The following SAMMSON variants were observed in gnomAD, a reference collection of about 807,000 sequenced individuals.
SAMMSON encodes the protein survival associated mitochondrial melanoma specific oncogenic non-coding RNA.
chr3:70,031,262 A>G (rs1235596022), intron 3 of SAMMSON, among the ~76,000 whole-genome samples: 1 of 152,164 alleles, frequency 6.6e-6, no homozygotes, highest in Non-Finnish European at 1.5e-5. Flanking sequence ...CCTTAAAAAC[A>G]TTGCACTGAA....
chr3:70,262,360 G>A (rs1038039268), intron 6 of SAMMSON, among the ~76,000 whole-genome samples: 2 of 152,134 alleles, frequency 1.3e-5, no homozygotes, highest in Admixed American at 1.3e-4. Context: ...GATAACATAA[G>A]TTTTAATGAG....
chr3:70,283,812 A>T (rs1170561531), intron 6 of SAMMSON: 1 of 152,028 alleles, frequency 6.6e-6, no homozygotes, highest in Non-Finnish European at 1.5e-5. Flanking sequence ...AAAAAGGCAA[A>T]TATGGCCAAA....
At chr3:70,085,858 T>C (rs1293303303) in intron 4 of SAMMSON, among the ~76,000 whole-genome samples, 1 of 152,188 alleles carries the variant, frequency 6.6e-6, no homozygotes, top group Non-Finnish European at 1.5e-5. Flanking sequence ...TCTCTTGCAG[T>C]GAGATACTCT....
At chr3:70,157,702 G>A (rs1264748288) in intron 4 of SAMMSON, among the ~76,000 whole-genome samples, 1 of 152,062 alleles carries the variant, frequency 6.6e-6, no homozygotes, top group Middle Eastern at 3.2e-3. Flanking sequence ...AATGATTTTA[G>A]CTACCAATGA....
chr3:70,214,932 A>T (rs1701391356), intron 4 of SAMMSON, among the ~76,000 whole-genome samples: 2 of 152,222 alleles, frequency 1.3e-5, no homozygotes, highest in South Asian at 4.1e-4. Context: ...TGGATTAATA[A>T]TAGGTTTAGG....
intron 2 of SAMMSON, among the ~76,000 whole-genome samples, chr3:70,431,672 T>C (rs1242625029): frequency 6.6e-6 from 1 of 152,024 alleles, no homozygotes; most frequent in Admixed American, 6.6e-5. Flanking sequence ...TTTTTGACAA[T>C]TGTATAAGCT....
At chr3:70,050,136 A>G (rs902166533) in intron 3 of SAMMSON, among the ~76,000 whole-genome samples, 1 of 152,114 alleles carries the variant, frequency 6.6e-6, no homozygotes, top group Non-Finnish European at 1.5e-5. Flanking sequence ...GTGGCCAGAG[A>G]GAAGAACTGC....
At chr3:70,072,473 G>A (rs2067233704) in intron 4 of SAMMSON, 1 of 151,272 alleles carries the variant, frequency 6.6e-6, no homozygotes, top group Non-Finnish European at 1.5e-5. Context: ...TTTATTTTGT[G>A]CTCACCCTTC....
intron 4 of SAMMSON, among the ~76,000 whole-genome samples, chr3:70,230,399 G>T (rs1340544939): frequency 6.6e-6 from 1 of 152,066 alleles, no homozygotes; most frequent in Non-Finnish European, 1.5e-5. Context: ...GTATATTTGA[G>T]GGCTGGTGTC....
At chr3:70,365,158 C>T (rs1702911183) in intron 9 of SAMMSON, among the ~76,000 whole-genome samples, 1 of 151,824 alleles carries the variant, frequency 6.6e-6, no homozygotes, top group Non-Finnish European at 1.5e-5. Flanking sequence ...CACTTTCTTA[C>T]TTTCTGGCAT....
intron 4 of SAMMSON, among the ~76,000 whole-genome samples, chr3:70,180,401 A>G (rs1053740724): frequency 6.6e-6 from 1 of 152,166 alleles, no homozygotes; most frequent in African/African-American, 2.4e-5. Context: ...ATATATGTGT[A>G]ACTGTATATA....
intron 7 of SAMMSON, among the ~76,000 whole-genome samples, chr3:70,316,331 A>G (rs143140575): frequency 1.2e-4 from 18 of 152,250 alleles, no homozygotes; most frequent in African/African-American, 3.8e-4. Context: ...AAACAATAAA[A>G]TTATATATAT....
chr3:70,360,774 G>T (rs1702865042), intron 9 of SAMMSON, among the ~76,000 whole-genome samples: 1 of 152,050 alleles, frequency 6.6e-6, no homozygotes, highest in Non-Finnish European at 1.5e-5. Context: ...TCATATTTTG[G>T]AAAAGTTTGT....
intron 4 of SAMMSON, among the ~76,000 whole-genome samples, chr3:70,243,297 T>C (rs1282314483): frequency 2.6e-5 from 4 of 152,170 alleles, no homozygotes; most frequent in African/African-American, 2.4e-5. Flanking sequence ...ATGTCTTCTA[T>C]CAAGCAATAA....
At chr3:70,040,961 G>T (rs988120) in intron 3 of SAMMSON, among the ~76,000 whole-genome samples, 2 of 152,130 alleles carry the variant, frequency 1.3e-5, no homozygotes, top group African/African-American at 4.8e-5. Context: ...AAAGGCTGCT[G>T]AATGGTAACT....
Position 70,360,749 on chromosome 3 carries a change from T to A in SAMMSON, n.913+2425T>A, listed in dbSNP as rs189438407. 1.9e-3 allele frequency among the ~76,000 whole-genome samples: 291 copies of A among 152,272 alleles called. 7 individuals are homozygous for A. The highest frequency in any genetic ancestry group is 0.017 in the Admixed American group (258 of 15,286). On this transcript the variant is annotated intron_variant and non_coding_transcript_variant, in intron 9 of 9. Coordinates refer to ENST00000642114, the Ensembl canonical transcript of SAMMSON. ...TAAGTTATGATAAAACATCATAATA[T>A]AAATGGAAAAAAATTCATATTTTGG...
rs6768753 is a variant in SAMMSON at position 70,334,447 on chromosome 3, G to A, written n.740-19728G>A. ...TAATATATAAATATATGTATATTAG[G>A]GGCACAAGCTCAAAATTATGTTTCA... On this transcript the variant is annotated intron_variant and non_coding_transcript_variant, in intron 7 of 9. Coordinates refer to ENST00000642114, the Ensembl canonical transcript of SAMMSON. Among the ~76,000 whole-genome samples, 1,367 of 151,674 alleles carry A rather than the reference G, an allele frequency of 9.0e-3. 14 individuals carry two copies. The highest frequency in any genetic ancestry group is 0.015 in the Non-Finnish European group (1,005 of 67,878).
intron 4 of SAMMSON, among the ~76,000 whole-genome samples, chr3:70,244,375 G>A (rs1701687067): frequency 6.6e-6 from 1 of 152,096 alleles, no homozygotes; most frequent in South Asian, 2.1e-4. Flanking sequence ...TATATTTAAT[G>A]GCAGTCTTAT....
chr3:70,347,434 G>T (rs1470068074), intron 7 of SAMMSON, among the ~76,000 whole-genome samples: 1 of 136,486 alleles, frequency 7.3e-6, no homozygotes, highest in Non-Finnish European at 1.6e-5. Context: ...TTCGGAACTG[G>T]CCTAAGTAGA....
Sources: allele counts gnomAD v4.1 joint callset (sites outside exome capture counted in the v4.1 genomes callset), GRCh38; gene constraint gnomAD v4.1.1; transcripts MANE v1.5; gene names NCBI Gene and HGNC (gene_info 2026-07-23, HGNC 2026-07-21).